MAST2: variants seen among roughly 807,000 people sequenced by gnomAD.
The protein encoded by MAST2 is microtubule-associated serine/threonine-protein kinase 2.
A neutral mutation model predicts 147.4 loss-of-function variants in MAST2; 70 were observed. That is an observed-to-expected ratio of 0.47 (90% CI 0.39 to 0.58). MAST2 has a LOEUF of 0.58. Among genes scored for constraint, MAST2 ranks in the 20% least tolerant of loss-of-function variants. The pLI is 0.00. For missense variants in MAST2, 2,080 were observed against 2,302.3 expected (o/e 0.90, Z 1.98); for synonymous variants, 869 against 896.8 (o/e 0.97, Z 0.55).
intron 3 of MAST2, among the ~76,000 whole-genome samples, chr1:45,839,254 C>T (rs1480437024): frequency 6.6e-6 from 1 of 151,812 alleles, no homozygotes; most frequent in Non-Finnish European, 1.5e-5. Context: ...TCAGCCTCCC[C>T]AGTAGCTGGG....
intron 3 of MAST2, among the ~76,000 whole-genome samples, chr1:45,863,821 A>G (rs1180435191): frequency 6.6e-6 from 1 of 152,172 alleles, no homozygotes; most frequent in Non-Finnish European, 1.5e-5. Context: ...TGAATTTTGT[A>G]GGAGAGTAAT....
At position 45,899,577 on chromosome 1, in the gene MAST2, G is replaced by A. The variant is rs1490043163; in HGVS notation, c.500+17182G>A. On this transcript the variant is annotated intron_variant, in intron 4 of 28. Coordinates refer to ENST00000361297, the MANE Select transcript of MAST2 (RefSeq NM_015112.3). ...ACATGGTATTTGATTTTCTGTTTCTGAGTTATTTCATATAGAATAATGGCC... is the reference window on the plus strand; with the variant it reads ...ACATGGTATTTGATTTTCTGTTTCTAAGTTATTTCATATAGAATAATGGCC... Among the ~76,000 whole-genome samples the A allele has an allele frequency of 2.0e-5, 3 of 151,966 alleles. No homozygotes were observed. The East Asian group carries it at 5.8e-4, about 29-fold the overall frequency.
At chr1:45,940,484 T>A (rs1307774218) in intron 4 of MAST2, among the ~76,000 whole-genome samples, 2 of 152,158 alleles carry the variant, frequency 1.3e-5, no homozygotes, top group Non-Finnish European at 2.9e-5. Context: ...TGTCTATCTG[T>A]GTCAAAGTCA....
chr1:45,852,300 T>G (rs1363253461), intron 3 of MAST2, among the ~76,000 whole-genome samples: 1 of 152,140 alleles, frequency 6.6e-6, no homozygotes, highest in African/African-American at 2.4e-5. Context: ...ATATTTGCAC[T>G]CCCACCCCGT....
chr1:45,904,966 C>T (rs1650430819), intron 4 of MAST2, among the ~76,000 whole-genome samples: 1 of 151,738 alleles, frequency 6.6e-6, no homozygotes, highest in Non-Finnish European at 1.5e-5. Context: ...TGCCATCATG[C>T]CTGGCTAATT....
intron 2 of MAST2, among the ~76,000 whole-genome samples, chr1:45,825,075 G>C (rs1252057645): frequency 1.3e-5 from 2 of 152,198 alleles, no homozygotes; most frequent in Non-Finnish European, 2.9e-5. Flanking sequence ...GCCCAGGCTG[G>C]AGTGCAGTGG....
At chr1:45,892,449 T>C (rs749622873) in intron 4 of MAST2, among the ~76,000 whole-genome samples, 6 of 152,242 alleles carry the variant, frequency 3.9e-5, no homozygotes, top group African/African-American at 1.2e-4. Context: ...TCATTTCTTA[T>C]AGTTCATACC....
At chr1:45,973,646 A>G (rs1557988062) in intron 5 of MAST2, among the ~76,000 whole-genome samples, 1 of 152,240 alleles carries the variant, frequency 6.6e-6, no homozygotes, top group Non-Finnish European at 1.5e-5. Context: ...CTAAAGGTAC[A>G]AGGACTGAAC....
chr1:46,031,668 G>GGT lies in MAST2; in HGVS notation c.3187+98_3187+99dup, dbSNP rs140303775. ...CCTTGGGAGGGTTCTGCACGTGGCA[G>GGT]GTGTGTGTGTGTGTGTTAAGCACAG... On this transcript the variant is annotated intron_variant, in intron 24 of 28. Coordinates refer to ENST00000361297, the MANE Select transcript of MAST2 (RefSeq NM_015112.3). The surrounding 1 kb of genome is among the most constrained non-coding windows in gnomAD (Gnocchi z 4.1). 9.0e-4 allele frequency: 1,165 copies of GGT among 1,300,870 alleles called. 2 individuals are homozygous for GGT. In the Middle Eastern group the frequency reaches 9.0e-3, roughly 10 times the overall value. 80.6% of individuals were successfully genotyped at this position (1,300,870 alleles called of 1,614,324 possible).
intron 3 of MAST2, among the ~76,000 whole-genome samples, chr1:45,866,891 A>C (rs1403102753): frequency 6.6e-6 from 1 of 152,018 alleles, no homozygotes. Context: ...GGGGCATTAC[A>C]GGCATGTGCC....
chr1:45,814,022 T>A (rs750098259), intron 1 of MAST2, among the ~76,000 whole-genome samples: 1 of 152,182 alleles, frequency 6.6e-6, no homozygotes, highest in African/African-American at 2.4e-5. Flanking sequence ...AACATTGTAG[T>A]GCAACACATT....
chr1:46,008,157 T>G (rs1645564612), intron 8 of MAST2, 139 bp from the exon 9 acceptor site: 2 of 639,002 alleles, frequency 3.1e-6, no homozygotes, highest in African/African-American at 3.7e-5. Context: ...TAAGAAAGGC[T>G]CTAGAACTCA....
At chr1:45,994,274 C>CTTTTTTTT (rs869216588) in intron 5 of MAST2, among the ~76,000 whole-genome samples, 6,457 of 61,948 alleles carry the variant, frequency 0.1, 1,008 homozygotes, top group East Asian at 0.13. Context: ...CCCTAACCCT[C>CTTTTTTTT]TTTTTTTTTT....
intron 4 of MAST2, among the ~76,000 whole-genome samples, chr1:45,918,952 A>G (rs1350960465): frequency 2.0e-5 from 3 of 152,032 alleles, no homozygotes; most frequent in African/African-American, 7.2e-5. Flanking sequence ...GTGAAACCCC[A>G]TCTCTACAAA....
chr1:45,833,498 A>G lies in MAST2; in HGVS notation c.468+3917A>G, dbSNP rs1341688856. ...AATATTGCTATGAACATTCATGTACAAATTTTAATGTAGATATATGTTTTC... is the reference window on the plus strand; with the variant it reads ...AATATTGCTATGAACATTCATGTACGAATTTTAATGTAGATATATGTTTTC... On this transcript the variant is annotated intron_variant, in intron 3 of 28. Coordinates refer to ENST00000361297, the MANE Select transcript of MAST2 (RefSeq NM_015112.3). Among the ~76,000 whole-genome samples, 47 of 152,182 alleles carry G rather than the reference A, an allele frequency of 3.1e-4. 1 individual carries two copies. The highest frequency in any genetic ancestry group is 3.1e-3 in the Admixed American group (47 of 15,268).
At chr1:45,901,617 A>G (rs1385337487) in intron 4 of MAST2, among the ~76,000 whole-genome samples, 1 of 152,170 alleles carries the variant, frequency 6.6e-6, no homozygotes, top group Non-Finnish European at 1.5e-5. Flanking sequence ...ATCCATGATC[A>G]TAGGATGTTT....
Position 45,901,155 on chromosome 1 carries a change from TC to T in MAST2, c.500+18762del, listed in dbSNP as rs148404493. Among the ~76,000 whole-genome samples the T allele has an allele frequency of 6.4e-3, 968 of 152,336 alleles. 24 individuals carry two copies. Among genetic ancestry groups the T allele is most frequent in the East Asian group, 0.047 (246 of 5,184 alleles). ...TCAGGTCTTAAATTTAAATTTTTAATCCATCATGTGTTAATTTTTATATATG... is the reference window on the plus strand; with the variant it reads ...TCAGGTCTTAAATTTAAATTTTTAATCATCATGTGTTAATTTTTATATATG... On this transcript the variant is annotated intron_variant, in intron 4 of 28. Transcript: ENST00000361297.
chr1:45,981,938 T>G (rs2149062946), intron 5 of MAST2, among the ~76,000 whole-genome samples: 1 of 151,770 alleles, frequency 6.6e-6, no homozygotes, highest in East Asian at 1.9e-4. Context: ...CCTCCCTGGT[T>G]CAAGCAATTC....
intron 3 of MAST2, among the ~76,000 whole-genome samples, chr1:45,880,042 A>G (rs1454515635): frequency 6.6e-6 from 1 of 152,206 alleles, no homozygotes; most frequent in African/African-American, 2.4e-5. Context: ...ATCACTTTAG[A>G]AAAAGGTCTG....
Sources: allele counts gnomAD v4.1 joint callset (sites outside exome capture counted in the v4.1 genomes callset), GRCh38; gene constraint gnomAD v4.1.1; non-coding constraint Gnocchi (gnomAD v3.1); transcripts MANE v1.5; gene names NCBI Gene and HGNC (gene_info 2026-07-23, HGNC 2026-07-21).